The following CCSER1 variants were observed in gnomAD, a reference collection of about 807,000 sequenced individuals.
CCSER1 encodes the protein coiled-coil serine rich protein 1, also known as serine-rich coiled-coil domain-containing protein 1.
CCSER1 carries 41 observed loss-of-function variants against 82.0 expected under a neutral mutation model. That is an observed-to-expected ratio of 0.50 (90% CI 0.39 to 0.65). The LOEUF is 0.65. Ranked by LOEUF, CCSER1 falls within the 30% of genes least tolerant of loss-of-function variation. The pLI is 0.00. For missense variants in CCSER1, 1,119 were observed against 1,064.2 expected, an observed-to-expected ratio of 1.05 and a Z score of -0.72; for synonymous variants, 414 against 383.9, an observed-to-expected ratio of 1.08 and a Z score of -0.92.
intron 10 of CCSER1, among the ~76,000 whole-genome samples, chr4:91,249,019 G>A (rs1310118178): frequency 2.0e-5 from 3 of 151,976 alleles, no homozygotes; most frequent in Admixed American, 2.0e-4. Flanking sequence ...TTTCTCTTTT[G>A]CTCTTGCTTC....
chr4:91,324,585 G>A (rs1746421583), intron 10 of CCSER1, among the ~76,000 whole-genome samples: 1 of 152,062 alleles, frequency 6.6e-6, no homozygotes, highest in Admixed American at 6.6e-5. Flanking sequence ...ATTAACAGAT[G>A]AATAACAACT....
At chr4:91,040,176 T>A (rs1741838661) in intron 9 of CCSER1, among the ~76,000 whole-genome samples, 1 of 152,186 alleles carries the variant, frequency 6.6e-6, no homozygotes, top group African/African-American at 2.4e-5. Flanking sequence ...ATGCTGTGTC[T>A]GAGAATATCT....
At chr4:90,867,197 C>T (rs952626806) in intron 8 of CCSER1, among the ~76,000 whole-genome samples, 1 of 151,986 alleles carries the variant, frequency 6.6e-6, no homozygotes, top group South Asian at 2.1e-4. Flanking sequence ...TTGACAGGCT[C>T]TTCATAACCA....
intron 7 of CCSER1, among the ~76,000 whole-genome samples, chr4:90,797,298 T>C (rs1250821564): frequency 1.3e-5 from 2 of 150,528 alleles, no homozygotes; most frequent in South Asian, 2.1e-4. Context: ...AAACTAGGAT[T>C]GCAACCCTAC....
chr4:91,106,383 A>T lies in CCSER1; in HGVS notation c.2217+20389A>T, dbSNP rs547336740. On this transcript the variant is annotated intron_variant, in intron 10 of 10. Transcript: ENST00000509176. ...TATGTCTCCAGTGTAAAACTTAAAC[A>T]ATACACTATGACTTATAAGGAGAGA... is the stretch of plus-strand genomic sequence containing the variant. Among the ~76,000 whole-genome samples, 166 of 152,328 alleles carry T rather than the reference A, an allele frequency of 1.1e-3. 2 individuals are homozygous for T. The highest frequency in any genetic ancestry group is 3.7e-3 in the African/African-American group (155 of 41,582).
intron 4 of CCSER1, among the ~76,000 whole-genome samples, chr4:90,429,681 CAA>C (rs1250407126): frequency 1.3e-5 from 2 of 151,634 alleles, no homozygotes; most frequent in African/African-American, 4.8e-5. Flanking sequence ...CATAAGCAGA[CAA>C]AGACTTATAG....
intron 5 of CCSER1, among the ~76,000 whole-genome samples, chr4:90,591,424 A>G (rs1227594648): frequency 1.3e-5 from 2 of 152,162 alleles, no homozygotes; most frequent in Non-Finnish European, 2.9e-5. Flanking sequence ...GCCAGCAAAC[A>G]TATGAAAAAA....
At chr4:91,001,189 T>TGG (rs1489341845) in intron 9 of CCSER1, among the ~76,000 whole-genome samples, 1 of 152,142 alleles carries the variant, frequency 6.6e-6, no homozygotes, top group Non-Finnish European at 1.5e-5. Context: ...GTTTTTAATT[T>TGG]TGTTTATGTG....
rs1289257665 is a variant in CCSER1 at position 91,055,859 on chromosome 4, C to T, written c.2173-30091C>T. 2.0e-5 allele frequency among the ~76,000 whole-genome samples: 3 copies of T among 150,976 alleles called. No individual in the cohort carries two copies. The South Asian group carries it at 6.3e-4, about 32-fold the overall frequency. ...TCTGCATGATAGTATCCACAGGTCC[C>T]TTGTGCTCTGATCACTTTTCTTCAA... On this transcript the variant is annotated intron_variant, in intron 9 of 10. Transcript: ENST00000509176.
At chr4:90,291,761 A>G (rs2153466432) in intron 1 of CCSER1, among the ~76,000 whole-genome samples, 1 of 152,118 alleles carries the variant, frequency 6.6e-6, no homozygotes, top group Non-Finnish European at 1.5e-5. Flanking sequence ...ATGCTTTAAT[A>G]TATTTAGTAA....
chr4:90,896,503 A>C (rs1041042140), intron 8 of CCSER1, among the ~76,000 whole-genome samples: 6 of 151,986 alleles, frequency 3.9e-5, no homozygotes, highest in African/African-American at 1.4e-4. Context: ...ATTATTTAAA[A>C]TTAATGGTCG....
At chr4:90,846,405 G>T (rs1356378741) in intron 8 of CCSER1, among the ~76,000 whole-genome samples, 1 of 152,138 alleles carries the variant, frequency 6.6e-6, no homozygotes, top group South Asian at 2.1e-4. Flanking sequence ...ATTTAATATT[G>T]TTATAGACAC....
intron 1 of CCSER1, among the ~76,000 whole-genome samples, chr4:90,275,581 C>T (rs567928439): frequency 7.2e-5 from 11 of 152,140 alleles, no homozygotes; most frequent in African/African-American, 2.4e-4. Flanking sequence ...AGTGCCCCTT[C>T]GACAAAAATT....
At chr4:91,170,488 C>T (rs998050389) in intron 10 of CCSER1, among the ~76,000 whole-genome samples, 18 of 152,086 alleles carry the variant, frequency 1.2e-4, no homozygotes, top group African/African-American at 3.1e-4. Context: ...CATGAATAAC[C>T]TCTCATAGAA....
intron 10 of CCSER1, among the ~76,000 whole-genome samples, chr4:91,358,533 C>A (rs1410855439): frequency 1.3e-5 from 2 of 151,724 alleles, no homozygotes; most frequent in Non-Finnish European, 2.9e-5. Context: ...ATCCAAGTAT[C>A]AAAAAATTCC....
intron 10 of CCSER1, among the ~76,000 whole-genome samples, chr4:91,283,781 CA>C (rs571841324): frequency 2.0e-4 from 30 of 146,472 alleles, no homozygotes; most frequent in East Asian, 1.6e-3. Flanking sequence ...TCATTTGCTC[CA>C]AAAAAAAAAA....
intron 10 of CCSER1, among the ~76,000 whole-genome samples, chr4:91,108,532 C>G (rs73834784): frequency 0.012 from 1,761 of 152,256 alleles, 35 homozygotes; most frequent in African/African-American, 0.04. Flanking sequence ...TAAGTGTTCT[C>G]CTATGCTTTA....
intron 10 of CCSER1, among the ~76,000 whole-genome samples, chr4:91,381,164 A>G (rs200877700): frequency 1.3e-5 from 2 of 152,000 alleles, no homozygotes; most frequent in Non-Finnish European, 2.9e-5. Flanking sequence ...ACCTTTCTCT[A>G]TGGCTGCCGT....
chr4:90,751,037 C>G (rs535159297), intron 7 of CCSER1, among the ~76,000 whole-genome samples: 169 of 152,124 alleles, frequency 1.1e-3, no homozygotes, highest in African/African-American at 4.0e-3. Flanking sequence ...TAATTTATTT[C>G]ATGAAAAGAT....
Sources: allele counts gnomAD v4.1 joint callset (sites outside exome capture counted in the v4.1 genomes callset), GRCh38; gene constraint gnomAD v4.1.1; transcripts MANE v1.5; gene names NCBI Gene and HGNC (gene_info 2026-07-23, HGNC 2026-07-21).